ANOS1: variants seen among roughly 807,000 people sequenced by gnomAD.
ANOS1 encodes anosmin-1.
A neutral mutation model predicts 59.0 loss-of-function variants in ANOS1; 6 were observed. The observed-to-expected ratio is 0.10, with a 90% CI of 0.06 to 0.20. The LOEUF is 0.20. Ranked by LOEUF, ANOS1 falls within the 10% of genes least tolerant of loss-of-function variation. The probability of loss-of-function intolerance (pLI) is 1.00; values close to 1 mark genes in which losing one functional copy is unlikely to be tolerated. For synonymous variants in ANOS1, 217 were observed against 223.4 expected (o/e 0.97, Z 0.25); for missense variants, 433 against 542.3 (o/e 0.80, Z 2.00).
intron 5 of ANOS1, among the ~76,000 whole-genome samples, chrX:8,587,033 A>C (rs886714564): frequency 1.8e-5 from 2 of 109,605 alleles, no homozygotes; most frequent in African/African-American, 6.6e-5. Flanking sequence ...TCCTATAGAC[A>C]TAGATGTGGA....
chrX:8,535,192 G>A (rs890910092), intron 12 of ANOS1: 1 of 140,768 alleles, frequency 7.1e-6, no homozygotes, highest in Non-Finnish European at 1.4e-5. Context: ...TTGAAGTTGC[G>A]GGGAAGACGG....
At chrX:8,629,361 T>G (rs1259177825) in intron 2 of ANOS1, among the ~76,000 whole-genome samples, 1 of 112,116 alleles carries the variant, frequency 8.9e-6, no homozygotes, top group Non-Finnish European at 1.9e-5. Flanking sequence ...TTGGGGCAAT[T>G]GGGATTGAAC....
chrX:8,651,495 A>C (rs190775832), intron 2 of ANOS1, among the ~76,000 whole-genome samples: 1 of 112,463 alleles, frequency 8.9e-6, no homozygotes, highest in African/African-American at 3.2e-5. Flanking sequence ...TTTCAAAGCT[A>C]TGTTCTCACC....
At chrX:8,572,155 A>C (rs1053285656) in intron 6 of ANOS1, among the ~76,000 whole-genome samples, 1 of 110,155 alleles carries the variant, frequency 9.1e-6, no homozygotes, top group African/African-American at 3.3e-5. Context: ...TTTTATTTTC[A>C]GTTCCAGGGT....
At chrX:8,595,114 A>T (rs1389439211) in intron 4 of ANOS1, among the ~76,000 whole-genome samples, 1 of 110,787 alleles carries the variant, frequency 9.0e-6, no homozygotes, top group Non-Finnish European at 1.9e-5. Flanking sequence ...GCATATTTTA[A>T]TTTATATTAT....
intron 9 of ANOS1, among the ~76,000 whole-genome samples, chrX:8,542,221 T>C (rs145213746): frequency 7.3e-4 from 82 of 111,832 alleles, no homozygotes; most frequent in African/African-American, 2.5e-3. Context: ...GAAGAGCTGA[T>C]GCTCCCTCCT....
chrX:8,547,551 CT>C (rs1198973170), intron 9 of ANOS1, among the ~76,000 whole-genome samples: 1 of 112,118 alleles, frequency 8.9e-6, no homozygotes, highest in Admixed American at 9.5e-5. Flanking sequence ...AACTGCCTAA[CT>C]GCCTAAGCCT....
intron 3 of ANOS1, among the ~76,000 whole-genome samples, chrX:8,617,129 T>C (rs1348931193): frequency 8.9e-6 from 1 of 112,288 alleles, no homozygotes; most frequent in Non-Finnish European, 1.9e-5. Context: ...AAATTCTATG[T>C]GCTTCTCCTT....
Position 8,605,661 on chromosome X carries a change from A to G in ANOS1, c.319-8405T>C, listed in dbSNP as rs1275925758. Among the ~76,000 whole-genome samples, 392 of 108,134 alleles carry G rather than the reference A, an allele frequency of 3.6e-3. 7 individuals carry two copies. The highest frequency in any genetic ancestry group is 0.013 in the African/African-American group (381 of 29,999). 93.9% of individuals were successfully genotyped at this position (108,134 alleles called of 115,157 possible). ...ACTCCATCTCAAAAAAAAAAAAAAAAAAGGAAAAGAAAGAAAAGAAAAGAA... is the reference window on the plus strand; with the variant it reads ...ACTCCATCTCAAAAAAAAAAAAAAAGAAGGAAAAGAAAGAAAAGAAAAGAA... On this transcript the variant is annotated intron_variant, in intron 3 of 13. Transcript: ENST00000262648.
intron 2 of ANOS1, among the ~76,000 whole-genome samples, chrX:8,680,784 G>A (rs1932413088): frequency 9.0e-6 from 1 of 111,562 alleles, no homozygotes; most frequent in Non-Finnish European, 1.9e-5. Flanking sequence ...CTAGTTAAGA[G>A]TATCAGAATA....
rs1192001647 is a variant in ANOS1, at chrX:8,653,981, G to A, written c.256-30311C>T. On this transcript the variant is annotated intron_variant, in intron 2 of 13. Transcript: ENST00000262648. ...CATTTGAGGGATTCAGTAGTGACCA[G>A]AACTGAAATGGCTATAGCCCTCCAG... Among the ~76,000 whole-genome samples the A allele has an allele frequency of 1.8e-5, 2 of 112,153 alleles. 1 individual carries two copies. The highest frequency in any genetic ancestry group is 3.8e-5 in the Non-Finnish European group (2 of 53,292).
Position 8,627,730 on chromosome X carries a change from T to TA in ANOS1, c.256-4061dup, listed in dbSNP as rs1245503822. On this transcript the variant is annotated intron_variant, in intron 2 of 13. Transcript: ENST00000262648. ...ATTTCTTTATAATACTCTGGCCAGT[T>TA]AAAAAAAAAAAGATTTCAACAAAAG... Among the ~76,000 whole-genome samples, 21 of 101,753 alleles carry TA rather than the reference T, an allele frequency of 2.1e-4. No homozygotes were observed. The South Asian group carries it at 2.6e-3, about 13-fold the overall frequency. The allele number at this position is 101,753 out of a possible 115,157, so 88.4% of individuals were successfully genotyped here.
chrX:8,605,594 C>T (rs1311608561), intron 3 of ANOS1, among the ~76,000 whole-genome samples: 2 of 94,239 alleles, frequency 2.1e-5, no homozygotes, highest in Non-Finnish European at 4.1e-5. Flanking sequence ...TGCAGTGAGC[C>T]GAGATTGAAC....
intron 10 of ANOS1, among the ~76,000 whole-genome samples, chrX:8,539,064 G>C (rs920254280): frequency 1.8e-5 from 2 of 111,419 alleles, no homozygotes; most frequent in Non-Finnish European, 3.8e-5. Context: ...GTGTTAGTTT[G>C]TTGATTCTAA....
chrX:8,689,308 T>G (rs182690680), intron 2 of ANOS1, among the ~76,000 whole-genome samples: 4 of 110,948 alleles, frequency 3.6e-5, no homozygotes, highest in African/African-American at 1.3e-4. Flanking sequence ...TGATAGCCAC[T>G]TTAATGTCCT....
chrX:8,623,549 C>G, intron 3 of ANOS1, 59 bp downstream of exon 3: 1 of 857,374 alleles, frequency 1.2e-6, no homozygotes, highest in South Asian at 2.1e-5. Flanking sequence ...TCCCATGACC[C>G]CACGTAAGCA....
intron 4 of ANOS1, among the ~76,000 whole-genome samples, chrX:8,593,937 G>T (rs192999006): frequency 6.3e-5 from 7 of 111,873 alleles, no homozygotes; most frequent in African/African-American, 2.3e-4. Context: ...GATTAAAGGG[G>T]TGAGCCACTG....
At position 8,730,847 on chromosome X, in the gene ANOS1, G is replaced by T. The variant is rs909920148; in HGVS notation, c.207+983C>A. 2.7e-5 allele frequency among the ~76,000 whole-genome samples: 3 copies of T among 112,772 alleles called. No homozygotes were observed. In the East Asian group the frequency reaches 8.5e-4, roughly 32 times the overall value. On this transcript the variant is annotated intron_variant, in intron 1 of 13. Coordinates refer to ENST00000262648, the MANE Select transcript of ANOS1 (RefSeq NM_000216.4). The stretch of plus-strand genomic sequence containing the variant: ...GATTTCAGAGCTCGCACGCTCGACA[G>T]GGCTGGTACAGGCAGCAGCTGCACT...
intron 2 of ANOS1, among the ~76,000 whole-genome samples, chrX:8,651,200 G>T (rs1289979704): frequency 2.7e-5 from 3 of 112,218 alleles, no homozygotes; most frequent in Non-Finnish European, 3.8e-5. Flanking sequence ...GGACCTCAGA[G>T]ATGGCTCCAC....
Sources: allele counts gnomAD v4.1 joint callset (sites outside exome capture counted in the v4.1 genomes callset), GRCh38; gene constraint gnomAD v4.1.1; transcripts MANE v1.5; gene names NCBI Gene and HGNC (gene_info 2026-07-23, HGNC 2026-07-21).